C4orf50: variants seen among roughly 807,000 people sequenced by gnomAD.
C4orf50 encodes chromosome 4 open reading frame 50.
Under a neutral mutation model 77.2 loss-of-function variants are expected in C4orf50, and 80 were observed. The observed-to-expected ratio is 1.04, with a 90% CI of 0.87 to 1.25. The LOEUF (loss-of-function observed/expected upper bound fraction) is 1.25, where lower values mean the gene tolerates loss of function less well. C4orf50 is among the 50% of genes most tolerant of loss of function. The probability of loss-of-function intolerance (pLI) is 0.00; values close to 1 mark genes in which losing one functional copy is unlikely to be tolerated. For synonymous variants in C4orf50, 532 were observed against 465.3 expected (o/e 1.14, Z -1.84); for missense variants, 1,257 against 1,152.9 (o/e 1.09, Z -1.31).
At position 5,982,248 on chromosome 4, in the gene C4orf50, A is replaced by T. The variant is rs557647963; in HGVS notation, c.3700-1910T>A. Among the ~76,000 whole-genome samples the T allele has an allele frequency of 3.3e-5, 5 of 152,008 alleles. No individual in the cohort carries two copies. The South Asian group carries it at 8.3e-4, about 25-fold the overall frequency. On this transcript the variant is annotated intron_variant, in intron 28 of 33. Transcript: ENST00000531445. ...GTGACTTGGACCAGAGCTTCGTCTC[A>T]TGGGTCCTCAGAGAGCACCAAGGTA...
chr4:5,944,534 C>T (rs1180072317), intron 7 of C4orf50, among the ~76,000 whole-genome samples: 1 of 152,220 alleles, frequency 6.6e-6, no homozygotes, highest in African/African-American at 2.4e-5. Context: ...ACATGGCCCA[C>T]TCTTCACTAT....
intron 33 of C4orf50, among the ~76,000 whole-genome samples, chr4:5,963,332 A>C (rs1185461858): frequency 6.6e-6 from 1 of 152,176 alleles, no homozygotes; most frequent in African/African-American, 2.4e-5. Context: ...GATAAGGTAG[A>C]TTAAAATAAA....
At chr4:5,973,917 G>T (rs1577952544) in intron 30 of C4orf50, 76 bp from the exon 9 acceptor site, 2 of 1,266,972 alleles carry the variant, frequency 1.6e-6, no homozygotes, top group Non-Finnish European at 2.2e-6. Flanking sequence ...GGGGGCCGGA[G>T]GGTCAGCTGA....
chr4:6,013,198 T>C (rs1722553177), intron 23 of C4orf50, among the ~76,000 whole-genome samples: 1 of 152,208 alleles, frequency 6.6e-6, no homozygotes, highest in African/African-American at 2.4e-5. Context: ...ATTCCAGTTA[T>C]CATGCCCTGA....
At chr4:5,966,554 G>A (rs1225704451) in intron 32 of C4orf50, among the ~76,000 whole-genome samples, 5 of 151,480 alleles carry the variant, frequency 3.3e-5, no homozygotes, top group East Asian at 3.9e-4. Context: ...GAGTAACCAC[G>A]GCAAATGTTT....
chr4:5,947,531 A>G (rs1250076956), intron 7 of C4orf50, among the ~76,000 whole-genome samples: 1 of 151,956 alleles, frequency 6.6e-6, no homozygotes, highest in Non-Finnish European at 1.5e-5. Flanking sequence ...CCACGTGCAG[A>G]ATGCAAGCTC....
intron 7 of C4orf50, among the ~76,000 whole-genome samples, chr4:5,911,134 C>T (rs1027580451): frequency 1.3e-5 from 2 of 152,152 alleles, no homozygotes; most frequent in Non-Finnish European, 2.9e-5. Flanking sequence ...TGGTCTCGAT[C>T]TCCTGACCTC....
intron 25 of C4orf50, among the ~76,000 whole-genome samples, chr4:5,998,469 T>C (rs1721692307): frequency 6.6e-6 from 1 of 152,174 alleles, no homozygotes; most frequent in African/African-American, 2.4e-5. Flanking sequence ...CTGCCTGCAA[T>C]TCACCCAGCA....
At chr4:5,915,444 G>C (rs1251627497) in intron 7 of C4orf50, among the ~76,000 whole-genome samples, 1 of 152,256 alleles carries the variant, frequency 6.6e-6, no homozygotes, top group Non-Finnish European at 1.5e-5. Flanking sequence ...AGCTTGGAAA[G>C]AGGGACCTTG....
rs1348353031 is a variant in C4orf50 at position 5,992,198 on chromosome 4, G to A, written c.1221+605C>T. Among the ~76,000 whole-genome samples the A allele has an allele frequency of 6.6e-6, 1 of 152,202 alleles. No individual in the cohort carries two copies. Among genetic ancestry groups the A allele is most frequent in the East Asian group, 1.9e-4 (1 of 5,198 alleles). ...CAACAACAAAAATAAGAGATACATC[G>A]TGAGCAGGATGTGAATGAATGAAGA... is the stretch of plus-strand genomic sequence containing the variant. On this transcript the variant is annotated intron_variant, in intron 27 of 33. Coordinates refer to ENST00000531445, the Ensembl canonical transcript of C4orf50. This position sits in a 1 kb window ranked among gnomAD's most constrained non-coding sequence, Gnocchi z 5.0.
intron 26 of C4orf50, among the ~76,000 whole-genome samples, chr4:5,993,740 C>T (rs1201863959): frequency 1.3e-5 from 2 of 151,574 alleles, no homozygotes; most frequent in Non-Finnish European, 2.9e-5. Context: ...TAGCTTGAAC[C>T]CGGGAGCTTG....
At chr4:5,967,225 G>A (rs1719626946) in intron 32 of C4orf50, among the ~76,000 whole-genome samples, 189 bp downstream of exon 10, 1 of 152,210 alleles carries the variant, frequency 6.6e-6, no homozygotes. Flanking sequence ...TTTTTCCAGT[G>A]TGTTCTCTCA....
intron 30 of C4orf50, among the ~76,000 whole-genome samples, chr4:5,974,752 G>C (rs1175928266): frequency 6.6e-6 from 1 of 152,178 alleles, no homozygotes; most frequent in Non-Finnish European, 1.5e-5. Context: ...TGCTAGCAAA[G>C]AATATATTAA....
At chr4:5,996,261 G>C (rs6446433) in intron 25 of C4orf50, among the ~76,000 whole-genome samples, 23 of 151,858 alleles carry the variant, frequency 1.5e-4, no homozygotes, top group Non-Finnish European at 2.6e-4. Context: ...GGCCTGGATC[G>C]CTTGCCTGCT....
rs140986360 is a variant in C4orf50 at position 6,002,331 on chromosome 4, G to C, written c.963+5665C>G. Among the ~76,000 whole-genome samples the C allele has an allele frequency of 9.2e-3, 1,402 of 152,324 alleles. 21 individuals carry two copies. The highest frequency in any genetic ancestry group is 0.032 in the African/African-American group (1,339 of 41,564). ...CTGTCCCCTAGAGCCTCAGGAGGAA[G>C]CATGGCCCCACTGCCACCTTGATTT... On this transcript the variant is annotated intron_variant, in intron 25 of 33. Coordinates refer to ENST00000531445, the Ensembl canonical transcript of C4orf50.
intron 7 of C4orf50, among the ~76,000 whole-genome samples, chr4:5,928,009 C>T (rs1019829005): frequency 2.6e-5 from 4 of 152,200 alleles, no homozygotes; most frequent in African/African-American, 7.2e-5. Flanking sequence ...CTGCCTCACT[C>T]GCCTGAGTAC....
rs1386560084 is a variant in C4orf50, at chr4:5,908,799, T to C, written c.*2475-10611A>G. Among the ~76,000 whole-genome samples the C allele has an allele frequency of 1.3e-5, 2 of 152,134 alleles. No homozygotes were observed. The highest frequency in any genetic ancestry group is 6.5e-5 in the Admixed American group (1 of 15,272). ...ACAGGGGATGTGGGAAGGTCATACT[T>C]GGGGACCATTTTGTCACTGCCCTTT... is the stretch of plus-strand genomic sequence containing the variant. On this transcript the variant is annotated intron_variant, in intron 7 of 7. Transcript: ENST00000324058. The surrounding 1 kb of genome is among the most constrained non-coding windows in gnomAD (Gnocchi z 5.6).
chr4:5,898,435 T>TAG (rs1716215741), intron 7 of C4orf50: 1 of 152,210 alleles, frequency 6.6e-6, no homozygotes, highest in Non-Finnish European at 1.5e-5. Flanking sequence ...ATTTCTTTAA[T>TAG]CTTCACACCT....
At position 5,992,569 on chromosome 4, in the gene C4orf50, G is replaced by A. The variant is rs1721348287; in HGVS notation, c.1221+234C>T. On this transcript the variant is annotated intron_variant, in intron 27 of 33. Coordinates refer to ENST00000531445, the Ensembl canonical transcript of C4orf50. The surrounding 1 kb of genome is among the most constrained non-coding windows in gnomAD (Gnocchi z 5.0). ...TCAACGAGATGAAGCCTGTTCCGTG[G>A]AAGCCCAGGCCTGGCACCCAGTTAA... Among the ~76,000 whole-genome samples, 1 of 152,122 alleles carries A rather than the reference G, an allele frequency of 6.6e-6. No homozygotes were observed. The highest frequency in any genetic ancestry group is 1.5e-5 in the Non-Finnish European group (1 of 68,006).
Sources: allele counts gnomAD v4.1 joint callset (sites outside exome capture counted in the v4.1 genomes callset), GRCh38; gene constraint gnomAD v4.1.1; non-coding constraint Gnocchi (gnomAD v3.1); transcripts MANE v1.5; gene names NCBI Gene and HGNC (gene_info 2026-07-23, HGNC 2026-07-21).